ERCC6L2: variants seen among roughly 807,000 people sequenced by gnomAD.
ERCC6L2 encodes ERCC excision repair 6 like 2.
In ERCC6L2, 77 loss-of-function variants were observed where a neutral mutation model predicts 132.0. The ratio of observed to expected loss-of-function variants is 0.58; its 90% CI spans 0.49 to 0.71. The LOEUF (loss-of-function observed/expected upper bound fraction) is 0.71. Among genes scored for constraint, ERCC6L2 ranks in the 30% least tolerant of loss-of-function variants. The pLI, the probability that ERCC6L2 is intolerant of heterozygous loss-of-function variation, is 0.00. For missense variants in ERCC6L2, 1,542 were observed against 1,837.6 expected, an observed-to-expected ratio of 0.84 and a Z score of 2.94; for synonymous variants, 583 against 632.4, an observed-to-expected ratio of 0.92 and a Z score of 1.17.
At chr9:96,034,082 C>T (rs1422605815) in intron 19 of ERCC6L2, among the ~76,000 whole-genome samples, 1 of 152,248 alleles carries the variant, frequency 6.6e-6, no homozygotes, top group Non-Finnish European at 1.5e-5. Context: ...CTCCCAGATG[C>T]CGCCATTCTC....
chr9:95,925,128 G>A (rs913179615), intron 9 of ERCC6L2, among the ~76,000 whole-genome samples: 1 of 152,128 alleles, frequency 6.6e-6, no homozygotes, highest in African/African-American at 2.4e-5. Flanking sequence ...CAGGTGCAAG[G>A]ACTCTGAACA....
chr9:95,894,527 G>T (rs1720763831), intron 2 of ERCC6L2, among the ~76,000 whole-genome samples: 1 of 144,710 alleles, frequency 6.9e-6, no homozygotes, highest in African/African-American at 2.6e-5. Flanking sequence ...AACATATTCT[G>T]TATGGTTTCT....
intron 3 of ERCC6L2, among the ~76,000 whole-genome samples, chr9:95,905,749 C>T (rs916424312): frequency 6.6e-6 from 1 of 152,140 alleles, no homozygotes; most frequent in Non-Finnish European, 1.5e-5. Flanking sequence ...TTTCTTCTTT[C>T]TCTTTCCAAA....
intron 18 of ERCC6L2, among the ~76,000 whole-genome samples, chr9:96,011,744 T>C (rs1170663731): frequency 1.3e-5 from 2 of 152,232 alleles, no homozygotes; most frequent in Non-Finnish European, 1.5e-5. Context: ...TTCTATGTTG[T>C]ATTTGTAAAA....
At chr9:96,027,251 C>T (rs1178921585) in intron 19 of ERCC6L2, among the ~76,000 whole-genome samples, 1 of 152,166 alleles carries the variant, frequency 6.6e-6, no homozygotes, top group South Asian at 2.1e-4. Context: ...GCCCCCCTCC[C>T]GCCTCCTGTG....
chr9:95,924,093 G>T (rs1161102550), intron 9 of ERCC6L2, among the ~76,000 whole-genome samples: 1 of 152,092 alleles, frequency 6.6e-6, no homozygotes, highest in African/African-American at 2.4e-5. Context: ...TTTATTTGTA[G>T]ATTCACAGAT....
chr9:95,998,826 A>C (rs1319456666), intron 17 of ERCC6L2, among the ~76,000 whole-genome samples: 1 of 152,212 alleles, frequency 6.6e-6, no homozygotes, highest in Non-Finnish European at 1.5e-5. Context: ...TATGGCAGCA[A>C]TAGGAAACTA....
At chr9:95,897,757 C>T in intron 2 of ERCC6L2, 92 bp from the exon 3 acceptor site, 4 of 1,275,122 alleles carry the variant, frequency 3.1e-6, no homozygotes, top group Non-Finnish European at 4.4e-6. Flanking sequence ...TTTGTACATA[C>T]TTTGTCACTA....
At chr9:95,966,204 A>G (rs970417673) in intron 13 of ERCC6L2, among the ~76,000 whole-genome samples, 4 of 152,232 alleles carry the variant, frequency 2.6e-5, no homozygotes, top group African/African-American at 7.2e-5. Context: ...TACTTCTGCC[A>G]GTTTTAGTAG....
At chr9:95,975,614 A>G (rs780383827) in intron 16 of ERCC6L2, among the ~76,000 whole-genome samples, 8 of 151,062 alleles carry the variant, frequency 5.3e-5, no homozygotes, top group Admixed American at 1.3e-4. Context: ...TTTTCACTCA[A>G]ATTTTATTTT....
At chr9:95,910,194 A>T (rs990474703) in intron 4 of ERCC6L2, among the ~76,000 whole-genome samples, 1 of 152,104 alleles carries the variant, frequency 6.6e-6, no homozygotes, top group Non-Finnish European at 1.5e-5. Flanking sequence ...GTAATTGTAG[A>T]TATGTTTATT....
intron 11 of ERCC6L2, among the ~76,000 whole-genome samples, chr9:95,935,455 T>G (rs1830512711): frequency 6.6e-6 from 1 of 152,124 alleles, no homozygotes; most frequent in African/African-American, 2.4e-5. Flanking sequence ...TGACAGGCCC[T>G]GGAGGAGACA....
At chr9:95,919,627 A>G (rs1159237886) in intron 6 of ERCC6L2, among the ~76,000 whole-genome samples, 1 of 152,260 alleles carries the variant, frequency 6.6e-6, no homozygotes, top group Non-Finnish European at 1.5e-5. Context: ...ATAGAATATC[A>G]TGAATGTCTG....
At chr9:95,879,833 A>C (rs1487309532) in intron 1 of ERCC6L2, among the ~76,000 whole-genome samples, 4 of 152,228 alleles carry the variant, frequency 2.6e-5, no homozygotes, top group Non-Finnish European at 1.5e-5. Flanking sequence ...GGAAACTGCC[A>C]GTGGTTATCT....
chr9:95,928,181 G>A (rs751139486), intron 10 of ERCC6L2, 31 bp downstream of exon 10: 11 of 1,509,908 alleles, frequency 7.3e-6, no homozygotes, highest in Admixed American at 3.4e-5. Flanking sequence ...TCCTTGATTG[G>A]CCAGCCTCAA....
At chr9:95,921,386 G>A (rs1829862687) in intron 7 of ERCC6L2, 71 bp downstream of exon 7, 3 of 1,248,408 alleles carry the variant, frequency 2.4e-6, no homozygotes, top group South Asian at 1.7e-5. Flanking sequence ...GTAAAAGAAA[G>A]TAGCAGATGA....
chr9:96,029,632 G>A (rs1423764005), intron 19 of ERCC6L2, among the ~76,000 whole-genome samples: 2 of 151,994 alleles, frequency 1.3e-5, no homozygotes, highest in African/African-American at 4.8e-5. Flanking sequence ...GTTGATTTCA[G>A]GACCAATAGA....
At chr9:96,021,064 C>G (rs888635975), downstream of ERCC6L2, 8 of 449,012 alleles carry the variant, frequency 1.8e-5, no homozygotes, top group Non-Finnish European at 3.1e-5. This position sits in a 1 kb window ranked among gnomAD's most constrained non-coding sequence, Gnocchi z 4.7. Flanking sequence ...GGGGGCACCG[C>G]CTGCGCCGGG....
chr9:95,927,296 T>C (rs774646325), intron 9 of ERCC6L2, among the ~76,000 whole-genome samples: 2 of 152,152 alleles, frequency 1.3e-5, no homozygotes, highest in African/African-American at 2.4e-5. Context: ...CTTAAATGTT[T>C]ATCATTAAAT....
Sources: gnomAD v4.1 joint callset for allele counts (sites outside exome capture counted in the v4.1 genomes callset) on GRCh38, gnomAD v4.1.1 for gene constraint, Gnocchi (gnomAD v3.1) non-coding constraint, MANE v1.5 for transcripts, NCBI Gene and HGNC (gene_info 2026-07-23, HGNC 2026-07-21) for gene names.